ZPBP: variants seen among roughly 807,000 people sequenced by gnomAD.
The protein encoded by ZPBP is zona pellucida-binding protein 1.
In ZPBP, 26 loss-of-function variants were observed where a neutral mutation model predicts 44.8. The ratio of observed to expected loss-of-function variants is 0.58; its 90% confidence interval spans 0.43 to 0.81. The LOEUF (loss-of-function observed/expected upper bound fraction) is 0.81, where lower values mean the gene tolerates loss of function less well. Among genes scored for constraint, ZPBP ranks in the 30% least tolerant of loss-of-function variants. The pLI is 0.00. For missense variants in ZPBP, 409 were observed against 434.0 expected, an observed-to-expected ratio of 0.94 and a Z score of 0.51; for synonymous variants, 174 against 153.2, an observed-to-expected ratio of 1.14 and a Z score of -1.00.
At chr7:50,064,201 GT>G (rs962296794) in intron 3 of ZPBP, among the ~76,000 whole-genome samples, 2 of 152,132 alleles carry the variant, frequency 1.3e-5, no homozygotes, top group Non-Finnish European at 2.9e-5. Flanking sequence ...AAACCAGCAA[GT>G]TTTTATTAGG....
At chr7:49,997,566 A>C (rs1797904117) in intron 6 of ZPBP, among the ~76,000 whole-genome samples, 1 of 152,146 alleles carries the variant, frequency 6.6e-6, no homozygotes, top group Non-Finnish European at 1.5e-5. Flanking sequence ...AAGTAAAGGG[A>C]GGTATTAGTG....
At chr7:50,014,193 G>T (rs34494047) in intron 6 of ZPBP, among the ~76,000 whole-genome samples, 1,969 of 151,992 alleles carry the variant, frequency 0.013, 32 homozygotes, top group Middle Eastern at 0.034. Flanking sequence ...TCACCAAATT[G>T]ATCATTTCAA....
chr7:49,939,763 G>T (rs1583877131), intron 7 of ZPBP, among the ~76,000 whole-genome samples: 1 of 152,208 alleles, frequency 6.6e-6, no homozygotes, highest in East Asian at 1.9e-4. Context: ...ACTCCCTGAG[G>T]CTAACAGAGA....
intron 2 of ZPBP, among the ~76,000 whole-genome samples, chr7:49,867,955 T>C (rs887898323): frequency 6.6e-6 from 1 of 152,146 alleles, no homozygotes; most frequent in African/African-American, 2.4e-5. Context: ...TGTCTCAGCC[T>C]ACCAAGTAGC....
chr7:50,037,597 G>A (rs1287583190), intron 4 of ZPBP, among the ~76,000 whole-genome samples: 2 of 152,110 alleles, frequency 1.3e-5, no homozygotes, highest in African/African-American at 4.8e-5. Flanking sequence ...GATCTCATGA[G>A]AACTCACTAT....
chr7:49,982,212 T>TATTGTAC (rs1797025638), intron 7 of ZPBP, among the ~76,000 whole-genome samples: 3 of 109,702 alleles, frequency 2.7e-5, no homozygotes, highest in South Asian at 2.4e-4. Context: ...TATATATATA[T>TATTGTAC]ATAATGTAAT....
intron 7 of ZPBP, among the ~76,000 whole-genome samples, chr7:49,957,734 T>C (rs1467064699): frequency 6.6e-6 from 1 of 152,134 alleles, no homozygotes; most frequent in Non-Finnish European, 1.5e-5. Flanking sequence ...GAGCCTCTAC[T>C]GTGGTAATGC....
chr7:50,089,801 G>C, intron 1 of ZPBP, 92 bp from the exon 2 acceptor site: 1 of 991,420 alleles, frequency 1.0e-6, no homozygotes, highest in Non-Finnish European at 1.6e-6. Context: ...GGTTGAAGGG[G>C]AGAGCCATAA....
chr7:50,022,474 T>C (rs1799145020), intron 5 of ZPBP, among the ~76,000 whole-genome samples: 1 of 151,966 alleles, frequency 6.6e-6, no homozygotes, highest in Non-Finnish European at 1.5e-5. Flanking sequence ...AGTTTGAAAT[T>C]CTAATTATAG....
intron 2 of ZPBP, among the ~76,000 whole-genome samples, chr7:50,082,662 C>T (rs1267074925): frequency 6.6e-6 from 1 of 151,732 alleles, no homozygotes; most frequent in African/African-American, 2.4e-5. Flanking sequence ...TAAGAGACTT[C>T]CTCTAAAGTT....
At chr7:49,921,406 C>A (rs1323945311) in intron 1 of ZPBP, 2 of 152,158 alleles carry the variant, frequency 1.3e-5, no homozygotes, top group Non-Finnish European at 2.9e-5. Flanking sequence ...TCTCAATAAA[C>A]GTTTGCAATT....
At chr7:49,966,234 A>T (rs1796053381) in intron 7 of ZPBP, among the ~76,000 whole-genome samples, 1 of 152,154 alleles carries the variant, frequency 6.6e-6, no homozygotes, top group Admixed American at 6.5e-5. Context: ...AAATCAGTAA[A>T]GGACATAAAA....
chr7:50,076,082 T>C (rs1802063389), intron 3 of ZPBP, among the ~76,000 whole-genome samples: 1 of 151,930 alleles, frequency 6.6e-6, no homozygotes, highest in Non-Finnish European at 1.5e-5. Context: ...ATTCCTGTGA[T>C]GCGAGGATGG....
At chr7:49,981,303 AT>A (rs1796868252) in intron 7 of ZPBP, among the ~76,000 whole-genome samples, 1 of 59,700 alleles carries the variant, frequency 1.7e-5, no homozygotes, top group Non-Finnish European at 3.4e-5. Context: ...TATATTATAT[AT>A]AATTATATAT....
At chr7:49,989,377 C>T (rs1299226736) in intron 6 of ZPBP, among the ~76,000 whole-genome samples, 1 of 152,148 alleles carries the variant, frequency 6.6e-6, no homozygotes, top group Non-Finnish European at 1.5e-5. Context: ...TTTGAGGGTA[C>T]AAACCCATGG....
intron 2 of ZPBP, among the ~76,000 whole-genome samples, chr7:49,861,647 G>A (rs1790656699): frequency 6.6e-6 from 1 of 152,116 alleles, no homozygotes; most frequent in African/African-American, 2.4e-5. Flanking sequence ...TAGGCCACAG[G>A]CCAATTTTGA....
At chr7:49,962,081 C>G (rs1331654285) in intron 7 of ZPBP, among the ~76,000 whole-genome samples, 1 of 151,536 alleles carries the variant, frequency 6.6e-6, no homozygotes, top group African/African-American at 2.4e-5. Context: ...ATATTTGAAA[C>G]AAGAATTTAA....
intron 7 of ZPBP, among the ~76,000 whole-genome samples, chr7:49,961,807 T>C (rs1795871600): frequency 6.6e-6 from 1 of 152,084 alleles, no homozygotes; most frequent in African/African-American, 2.4e-5. Context: ...GAGGACTTCA[T>C]AGGAGGTGTC....
At chr7:49,875,333 G>C (rs1035713154) in intron 2 of ZPBP, among the ~76,000 whole-genome samples, 5 of 110,138 alleles carry the variant, frequency 4.5e-5, no homozygotes, top group Non-Finnish European at 8.3e-5. Context: ...TCACACCACT[G>C]CTCTCCAGCC....
Sources: allele counts gnomAD v4.1 joint callset (sites outside exome capture counted in the v4.1 genomes callset), GRCh38; gene constraint gnomAD v4.1.1; transcripts MANE v1.5; gene names NCBI Gene and HGNC (gene_info 2026-07-23, HGNC 2026-07-21).